CNTNAP3B: variants seen among roughly 807,000 people sequenced by gnomAD.
CNTNAP3B encodes the protein contactin associated protein family member 3B, also known as contactin-associated protein-like 3B.
Under a neutral mutation model 108.9 loss-of-function variants are expected in CNTNAP3B, and 25 were observed. The observed-to-expected ratio is 0.23, with a 90% CI of 0.17 to 0.32. CNTNAP3B has a LOEUF of 0.32. Among genes scored for constraint, CNTNAP3B ranks in the 10% least tolerant of loss-of-function variants. CNTNAP3B has a pLI of 1.00. For missense variants in CNTNAP3B, 252 were observed against 1,210.4 expected (o/e 0.21, Z 11.75); for synonymous variants, 103 against 473.4 (o/e 0.22, Z 10.16).
At position 42,001,433 on chromosome 9, in the gene CNTNAP3B, C is replaced by T. The variant is rs1165546307; in HGVS notation, c.539-2829G>A. ...CATTTCAAGAAAAAAACAGTTCTACCTAGCCATAATCAATGCAAATATTCC... is the reference window on the plus strand; with the variant it reads ...CATTTCAAGAAAAAAACAGTTCTACTTAGCCATAATCAATGCAAATATTCC... On this transcript the variant is annotated intron_variant, in intron 4 of 23. Transcript: ENST00000377561. 1.5e-5 allele frequency among the ~76,000 whole-genome samples: 2 copies of T among 134,788 alleles called. 1 individual carries two copies. Among genetic ancestry groups the T allele is most frequent in the African/African-American group, 6.0e-5 (2 of 33,478 alleles). The allele number at this position is 134,788 out of a possible 152,430, so 88.4% of individuals were successfully genotyped here.
intron 1 of CNTNAP3B, among the ~76,000 whole-genome samples, chr9:42,121,538 A>T (rs188993073): frequency 8.2e-4 from 113 of 138,624 alleles, no homozygotes; most frequent in Non-Finnish European, 1.4e-3. Context: ...ACAAATTGAC[A>T]ATCAACCCCG....
chr9:41,968,059 A>G (rs1825333773), intron 10 of CNTNAP3B, among the ~76,000 whole-genome samples: 1 of 152,272 alleles, frequency 6.6e-6, no homozygotes, highest in Non-Finnish European at 1.5e-5. Flanking sequence ...AGCCTATAAC[A>G]GTAAAAACAA....
At chr9:42,059,707 C>T (rs1827137345) in intron 3 of CNTNAP3B, among the ~76,000 whole-genome samples, 1 of 52,010 alleles carries the variant, frequency 1.9e-5, no homozygotes, top group Non-Finnish European at 4.4e-5. Flanking sequence ...ATCCTCCCAC[C>T]TCAGCCTCCT....
rs865955076 is a variant in CNTNAP3B at position 42,089,429 on chromosome 9, G to A, written c.197-12367C>T. Among the ~76,000 whole-genome samples the A allele has an allele frequency of 1.7e-3, 224 of 132,800 alleles. 41 individuals carry two copies. Among genetic ancestry groups the A allele is most frequent in the African/African-American group, 6.6e-3 (218 of 33,164 alleles). 87.1% of individuals were successfully genotyped at this position (132,800 alleles called of 152,430 possible). A position where few individuals can be genotyped will look rare whatever the true frequency, so the allele number is the denominator to read the frequency against. ...GGGATATTGCACTGTGCAGAATAGTGGAAATTCTAAGTAGTTAAAGATCGC... is the reference window on the plus strand; with the variant it reads ...GGGATATTGCACTGTGCAGAATAGTAGAAATTCTAAGTAGTTAAAGATCGC... On this transcript the variant is annotated intron_variant, in intron 2 of 23. Coordinates refer to ENST00000377561, the MANE Select transcript of CNTNAP3B (RefSeq NM_001201380.3).
chr9:42,112,340 C>A (rs1200170827), intron 1 of CNTNAP3B, among the ~76,000 whole-genome samples: 3 of 139,446 alleles, frequency 2.2e-5, no homozygotes, highest in Admixed American at 7.1e-5. Context: ...ATGAATTACA[C>A]CTCTGGAGAA....
At chr9:41,962,953 TCAAAAAA>T (rs1401755037) in intron 11 of CNTNAP3B, among the ~76,000 whole-genome samples, 1 of 150,364 alleles carries the variant, frequency 6.7e-6, no homozygotes, top group African/African-American at 2.5e-5. Flanking sequence ...AGACTCCGTC[TCAAAAAA>T]CAAAAAACAA....
intron 14 of CNTNAP3B, 59 bp from the exon 15 acceptor site, chr9:41,929,503 A>C: frequency 6.7e-7 from 1 of 1,498,180 alleles, no homozygotes; most frequent in Non-Finnish European, 9.0e-7. Context: ...GGCAAAATTA[A>C]CTCTGATCTC....
chr9:41,932,501 T>G (rs1450152789), intron 14 of CNTNAP3B, among the ~76,000 whole-genome samples: 1 of 149,884 alleles, frequency 6.7e-6, no homozygotes, highest in East Asian at 1.9e-4. Flanking sequence ...TTGAGTCAAC[T>G]TTTTAACTTT....
At chr9:41,976,953 T>A (rs1825529443) in intron 9 of CNTNAP3B, among the ~76,000 whole-genome samples, 1 of 142,438 alleles carries the variant, frequency 7.0e-6, no homozygotes, top group Non-Finnish European at 1.5e-5. Context: ...ACCACCCCCC[T>A]AAATTTTATA....
intron 3 of CNTNAP3B, among the ~76,000 whole-genome samples, chr9:42,029,606 C>T (rs1377631776): frequency 8.2e-6 from 1 of 122,342 alleles, no homozygotes; most frequent in African/African-American, 3.4e-5. Context: ...TCTCGGCTCA[C>T]CACAACCTCT....
At chr9:41,922,423 ACCACTGCACTCCAGC>A (rs1823694196) in intron 17 of CNTNAP3B, among the ~76,000 whole-genome samples, 1 of 141,138 alleles carries the variant, frequency 7.1e-6, no homozygotes, top group Non-Finnish European at 1.5e-5. Context: ...CTGAGATTGC[ACCACTGCACTCCAGC>A]CTGGGCGACA....
At chr9:41,934,361 G>T (rs1824088917) in intron 14 of CNTNAP3B, among the ~76,000 whole-genome samples, 1 of 152,204 alleles carries the variant, frequency 6.6e-6, no homozygotes, top group Non-Finnish European at 1.5e-5. Context: ...TGGGACTACA[G>T]GCGCCCACCA....
intron 10 of CNTNAP3B, among the ~76,000 whole-genome samples, chr9:41,966,285 T>A (rs1444066664): frequency 1.3e-5 from 2 of 152,302 alleles, no homozygotes; most frequent in Non-Finnish European, 2.9e-5. Flanking sequence ...AAACCACTGC[T>A]GTTTGATATC....
At chr9:42,117,430 G>C (rs1213123646) in intron 1 of CNTNAP3B, among the ~76,000 whole-genome samples, 1 of 138,480 alleles carries the variant, frequency 7.2e-6, no homozygotes, top group Non-Finnish European at 1.5e-5. Context: ...TGACTACTGG[G>C]TACATAACAA....
At chr9:42,024,664 G>A (rs1321071932) in intron 3 of CNTNAP3B, among the ~76,000 whole-genome samples, 2 of 99,188 alleles carry the variant, frequency 2.0e-5, no homozygotes, top group Admixed American at 1.1e-4. Context: ...TGGCTCCAGG[G>A]TTCACAAAAA....
At chr9:42,033,243 C>A (rs1826556953) in intron 3 of CNTNAP3B, among the ~76,000 whole-genome samples, 3 of 147,546 alleles carry the variant, frequency 2.0e-5, no homozygotes, top group African/African-American at 7.8e-5. Flanking sequence ...CTAATCTTAC[C>A]CAATTTGACT....
chr9:42,071,525 A>G (rs947536921), intron 3 of CNTNAP3B, among the ~76,000 whole-genome samples: 7 of 137,774 alleles, frequency 5.1e-5, no homozygotes, highest in Non-Finnish European at 1.1e-4. Flanking sequence ...TTTATTGAAA[A>G]TGACTACATT....
chr9:42,126,727 G>T (rs1287496976), intron 1 of CNTNAP3B, among the ~76,000 whole-genome samples: 1 of 135,628 alleles, frequency 7.4e-6, no homozygotes, highest in Non-Finnish European at 1.6e-5. Flanking sequence ...CTGCCACCAC[G>T]CCCGGCTAAT....
rs1178248195 is a variant in CNTNAP3B, at chr9:42,003,132, G to T, written c.539-4528C>A. Among the ~76,000 whole-genome samples, 2 of 139,000 alleles carry T rather than the reference G, an allele frequency of 1.4e-5. 1 individual carries two copies. The highest frequency in any genetic ancestry group is 4.7e-4 in the South Asian group (2 of 4,280). 91.2% of individuals were successfully genotyped at this position (139,000 alleles called of 152,430 possible). A position where few individuals can be genotyped will look rare whatever the true frequency, so the allele number is the denominator to read the frequency against. ...TTGAATTCCTGGGCTCAAGCAATCT[G>T]CCCACCTCAGCTTCACAAAGTGCTG... On this transcript the variant is annotated intron_variant, in intron 4 of 23. Coordinates refer to ENST00000377561, the MANE Select transcript of CNTNAP3B (RefSeq NM_001201380.3).
Sources: allele counts gnomAD v4.1 joint callset (sites outside exome capture counted in the v4.1 genomes callset), GRCh38; gene constraint gnomAD v4.1.1; transcripts MANE v1.5; gene names NCBI Gene and HGNC (gene_info 2026-07-23, HGNC 2026-07-21).